HMGXB4: variants seen among roughly 807,000 people sequenced by gnomAD.
HMGXB4 encodes the protein HMG domain-containing protein 4.
In HMGXB4, 27 loss-of-function variants were observed where a neutral mutation model predicts 63.9. The ratio of observed to expected loss-of-function variants is 0.42; its 90% CI spans 0.31 to 0.58. The LOEUF (loss-of-function observed/expected upper bound fraction) is 0.58. Among genes scored for constraint, HMGXB4 ranks in the 20% least tolerant of loss-of-function variants. The probability of loss-of-function intolerance (pLI) is 0.13; values close to 1 mark genes in which losing one functional copy is unlikely to be tolerated. For missense variants in HMGXB4, 624 were observed against 700.7 expected (o/e 0.89, Z 1.24); for synonymous variants, 264 against 265.3 (o/e 0.99, Z 0.05).
the HMGXB4 span, among the ~76,000 whole-genome samples, chr22:35,243,142 G>A: frequency 4.6e-5 from 7 of 152,150 alleles, no homozygotes; most frequent in South Asian, 2.1e-4. Flanking sequence ...ATGCCAAGGC[G>A]GGTGGATCAC....
intron 1 of HMGXB4, chr22:35,261,922 ATC>A (rs1002428840): frequency 1.3e-5 from 2 of 158,524 alleles, no homozygotes; most frequent in Admixed American, 6.2e-5. Flanking sequence ...GTTTGATGTG[ATC>A]TGTCTTCTCT....
Position 35,293,911 on chromosome 22 carries a change from T to C in HMGXB4, c.*260T>C. On this transcript the variant is annotated 3_prime_UTR_variant, in exon 11 of 11. Coordinates refer to ENST00000216106, the MANE Select transcript of HMGXB4 (RefSeq NM_001003681.3). ...ACAGGCTTGGGATTCTTTTTTCTCC[T>C]GTGGTGGATAAATCTGCCTTAAAAA... 4.1e-6 allele frequency: 1 copy of C among 245,992 alleles called. No homozygotes were observed. The highest frequency in any genetic ancestry group is 7.7e-5 in the East Asian group (1 of 13,014). 15.2% of individuals were successfully genotyped at this position (245,992 alleles called of 1,614,324 possible).
intron 7 of HMGXB4, chr22:35,287,063 G>A: frequency 6.3e-6 from 2 of 319,880 alleles, no homozygotes; most frequent in South Asian, 4.0e-5. Flanking sequence ...TGAGCCAGAG[G>A]TTTAATCTGT....
At chr22:35,280,714 T>C (rs1924194509) in intron 5 of HMGXB4, among the ~76,000 whole-genome samples, 1 of 152,224 alleles carries the variant, frequency 6.6e-6, no homozygotes, top group South Asian at 2.1e-4. Flanking sequence ...ATGGCCTCAG[T>C]TGATGGGCTC....
At chr22:35,292,936 A>C in intron 9 of HMGXB4, 56 bp from the exon 10 acceptor site, 1 of 1,611,176 alleles carries the variant, frequency 6.2e-7, no homozygotes, top group Non-Finnish European at 8.5e-7. Flanking sequence ...TGAGGAAGTC[A>C]GCCGGAACAC....
chr22:35,263,778 ATTC>A lies in HMGXB4; in HGVS notation c.181-12_181-10del, dbSNP rs751914342. On this transcript the variant is annotated splice_polypyrimidine_tract_variant and intron_variant, in intron 3 of 10. Coordinates refer to ENST00000216106, the MANE Select transcript of HMGXB4 (RefSeq NM_001003681.3). The stretch of plus-strand genomic sequence containing the variant: ...TGCCTCATCATCTTATTATTGGTCA[ATTC>A]TTCTTTAATTATAGGATAGTGAACT... The A allele has an allele frequency of 2.3e-5, 37 of 1,579,066 alleles. No individual in the cohort carries two copies. The highest frequency in any genetic ancestry group is 1.3e-4 in the East Asian group (6 of 44,712).
At chr22:35,241,775 G>T in the HMGXB4 span, among the ~76,000 whole-genome samples, 2 of 152,156 alleles carry the variant, frequency 1.3e-5, no homozygotes, top group Admixed American at 1.3e-4. Flanking sequence ...CAGTATTTGG[G>T]GTGTCTCCTG....
chr22:35,272,115 C>A (rs1453930375), intron 5 of HMGXB4, among the ~76,000 whole-genome samples: 1 of 151,978 alleles, frequency 6.6e-6, no homozygotes, highest in African/African-American at 2.4e-5. Context: ...GAGCTCAGAG[C>A]AGAATTTTGT....
chr22:35,287,119 T>C (rs929092719), intron 7 of HMGXB4: 3 of 465,090 alleles, frequency 6.5e-6, no homozygotes, highest in Non-Finnish European at 1.2e-5. Context: ...AGTGCCGAGA[T>C]TTGACCATTA....
intron 9 of HMGXB4, among the ~76,000 whole-genome samples, chr22:35,291,651 T>G (rs1924941585): frequency 6.6e-6 from 1 of 152,192 alleles, no homozygotes; most frequent in South Asian, 2.1e-4. Flanking sequence ...TATACTAATG[T>G]TTTATTGAAG....
intron 5 of HMGXB4, among the ~76,000 whole-genome samples, chr22:35,271,160 G>T (rs1185033522): frequency 6.6e-6 from 1 of 151,890 alleles, no homozygotes; most frequent in Non-Finnish European, 1.5e-5. Context: ...ACTTAGGAGG[G>T]TGAGGCAGGA....
chr22:35,262,342 A>G lies in HMGXB4; in HGVS notation c.-49A>G, dbSNP rs754098587. 6.3e-7 allele frequency: 1 copy of G among 1,592,276 alleles called. No individual in the cohort carries two copies. Among genetic ancestry groups the G allele is most frequent in the Non-Finnish European group, 8.6e-7 (1 of 1,160,144 alleles). Reference sequence around the variant, plus strand: ...TCTCAGACCTGGTCCTGTAGACGGGAAGGAGCCTGGACACAGTGACACATT... The same window carrying G: ...TCTCAGACCTGGTCCTGTAGACGGGGAGGAGCCTGGACACAGTGACACATT... On this transcript the variant is annotated 5_prime_UTR_variant, in exon 2 of 11. Coordinates refer to ENST00000216106, the MANE Select transcript of HMGXB4 (RefSeq NM_001003681.3).
intron 5 of HMGXB4, among the ~76,000 whole-genome samples, chr22:35,275,267 C>T (rs191422458): frequency 6.6e-6 from 1 of 151,762 alleles, no homozygotes; most frequent in East Asian, 1.9e-4. Flanking sequence ...TTACAGGTGC[C>T]CACCACCACA....
rs563516892 is a variant in HMGXB4, at chr22:35,289,409, A to ATGATTGCT, written c.1638+1003_1638+1010dup. On this transcript the variant is annotated intron_variant, in intron 9 of 10. Coordinates refer to ENST00000216106, the MANE Select transcript of HMGXB4 (RefSeq NM_001003681.3). Reference sequence around the variant, plus strand: ...AGGAGCTCAAAGGCTGCAGTAAGCTATGATTGCTGCACTGCCCTCCAGCCT... The same window carrying ATGATTGCT: ...AGGAGCTCAAAGGCTGCAGTAAGCTATGATTGCTTGATTGCTGCACTGCCCTCCAGCCT... Among the ~76,000 whole-genome samples, 19 of 152,312 alleles carry ATGATTGCT rather than the reference A, an allele frequency of 1.2e-4. No homozygotes were observed. The East Asian group carries it at 3.7e-3, about 29-fold the overall frequency.
chr22:35,274,272 A>G (rs1923772331), intron 5 of HMGXB4, among the ~76,000 whole-genome samples: 1 of 152,238 alleles, frequency 6.6e-6, no homozygotes, highest in East Asian at 1.9e-4. Context: ...CACCTCAGTC[A>G]TGGAATGGAA....
intron 5 of HMGXB4, among the ~76,000 whole-genome samples, chr22:35,282,940 T>G (rs1467961331): frequency 6.6e-6 from 1 of 152,268 alleles, no homozygotes; most frequent in Admixed American, 6.5e-5. Context: ...GTTTTATATA[T>G]TTCTTGTTGA....
intron 9 of HMGXB4, among the ~76,000 whole-genome samples, chr22:35,291,656 T>C (rs1924941890): frequency 6.6e-6 from 1 of 152,208 alleles, no homozygotes; most frequent in South Asian, 2.1e-4. Context: ...TAATGTTTTA[T>C]TGAAGGCTCA....
intron 5 of HMGXB4, among the ~76,000 whole-genome samples, chr22:35,268,399 C>T (rs1456862452): frequency 6.6e-6 from 1 of 152,182 alleles, no homozygotes; most frequent in Non-Finnish European, 1.5e-5. Flanking sequence ...TCCTCCATTA[C>T]CATTGCCACT....
At chr22:35,285,966 C>T (rs543661818) in intron 6 of HMGXB4, 31 bp from the exon 7 acceptor site, 2 of 1,529,304 alleles carry the variant, frequency 1.3e-6, no homozygotes, top group South Asian at 1.2e-5. Flanking sequence ...TAACCCTTTA[C>T]TGTATTGAGT....
Sources: gnomAD v4.1 joint callset for allele counts (sites outside exome capture counted in the v4.1 genomes callset) on GRCh38, gnomAD v4.1.1 for gene constraint, MANE v1.5 for transcripts, NCBI Gene and HGNC (gene_info 2026-07-23, HGNC 2026-07-21) for gene names.